OPRM1: variants seen among roughly 807,000 people sequenced by gnomAD.
OPRM1 encodes the protein mu-type opioid receptor.
A neutral mutation model predicts 31.8 loss-of-function variants in OPRM1; 27 were observed. The ratio of observed to expected loss-of-function variants is 0.85; its 90% confidence interval spans 0.63 to 1.17. The LOEUF (loss-of-function observed/expected upper bound fraction) is 1.17, where lower values mean the gene tolerates loss of function less well. OPRM1 is among the 50% of genes most tolerant of loss of function. The pLI is 0.00. For missense variants in OPRM1, 536 were observed against 511.1 expected, an observed-to-expected ratio of 1.05 and a Z score of -0.47; for synonymous variants, 196 against 189.9, an observed-to-expected ratio of 1.03 and a Z score of -0.26.
At chr6:154,091,577 G>A (rs1171926326) in intron 3 of OPRM1, 105 bp downstream of exon 3, 8 of 1,452,294 alleles carry the variant, frequency 5.5e-6, no homozygotes, top group Non-Finnish European at 7.2e-6. Flanking sequence ...TGAGAATGGA[G>A]GGAAGAGGGG....
In OPRM1 at chr6:154,127,279, T is replaced by C. The variant is rs1168942056; in HGVS notation, c.*8558T>C. Among the ~76,000 whole-genome samples, 2 of 152,176 alleles carry C rather than the reference T, an allele frequency of 1.3e-5. No individual in the cohort carries two copies. Among genetic ancestry groups the C allele is most frequent in the Non-Finnish European group, 1.5e-5 (1 of 68,028 alleles). On this transcript the variant is annotated 3_prime_UTR_variant, in exon 4 of 4. Coordinates refer to ENST00000330432, the MANE Select transcript of OPRM1 (RefSeq NM_000914.5). ...TTTGAAATCAGTGGCCATTATCATCTAAGGATTCCGCCAGAGACTTCCAAA... is the reference window on the plus strand; with the variant it reads ...TTTGAAATCAGTGGCCATTATCATCCAAGGATTCCGCCAGAGACTTCCAAA...
chr6:154,056,162 T>A (rs945590065), intron 1 of OPRM1, among the ~76,000 whole-genome samples: 1 of 152,008 alleles, frequency 6.6e-6, no homozygotes, highest in Non-Finnish European at 1.5e-5. Context: ...TCTTGCTCTG[T>A]CACCAGGCTG....
chr6:154,178,238 T>C (rs1047905898), intron 3 of OPRM1, among the ~76,000 whole-genome samples: 1 of 152,118 alleles, frequency 6.6e-6, no homozygotes, highest in Non-Finnish European at 1.5e-5. Context: ...TGTATACCTA[T>C]GTAACAAACC....
At chr6:154,246,117 G>A (rs1164748193) in intron 3 of OPRM1, among the ~76,000 whole-genome samples, 1 of 152,126 alleles carries the variant, frequency 6.6e-6, no homozygotes, top group Admixed American at 6.5e-5. Context: ...AAGGTCGGGG[G>A]AAAGAAGGGG....
intron 3 of OPRM1, among the ~76,000 whole-genome samples, chr6:154,246,324 A>C (rs983487567): frequency 6.6e-6 from 1 of 152,198 alleles, no homozygotes. Flanking sequence ...AACAGAACTT[A>C]AAAGTCTCCT....
In OPRM1 at chr6:154,090,939, T is replaced by A. The variant is rs1208673199; in HGVS notation, c.644-13T>A. On this transcript the variant is annotated splice_polypyrimidine_tract_variant and intron_variant, in intron 2 of 3. Transcript: ENST00000330432. ...GTTGCTGCTAATTTTTCCTTTAAATTCCTTTCTTCTAGGTTCCATAGATTG... is the reference window on the plus strand; with the variant it reads ...GTTGCTGCTAATTTTTCCTTTAAATACCTTTCTTCTAGGTTCCATAGATTG... 6.3e-7 allele frequency: 1 copy of A among 1,596,746 alleles called. No individual in the cohort carries two copies. Among genetic ancestry groups the A allele is most frequent in the Non-Finnish European group, 8.5e-7 (1 of 1,172,002 alleles).
At position 154,152,310 on chromosome 6, in the gene OPRM1, A is replaced by AG. The variant is rs1491197872; in HGVS notation, c.1164+60839dup. On this transcript the variant is annotated intron_variant, in intron 3 of 3. Transcript: ENST00000337049. Reference sequence around the variant, plus strand: ...AAAGGAAGAGAGAAGAAAGAAAGAAAGAAAGAAAGAAAGAAAGAAAGAAAG... The same window carrying AG: ...AAAGGAAGAGAGAAGAAAGAAAGAAAGGAAAGAAAGAAAGAAAGAAAGAAAG... Among the ~76,000 whole-genome samples, 256 of 82,266 alleles carry AG rather than the reference A, an allele frequency of 3.1e-3. 6 individuals are homozygous for AG. Among genetic ancestry groups the AG allele is most frequent in the African/African-American group, 0.012 (234 of 19,318 alleles). 54.0% of individuals were successfully genotyped at this position (82,266 alleles called of 152,430 possible).
intron 3 of OPRM1, among the ~76,000 whole-genome samples, chr6:154,202,144 T>A (rs1466471709): frequency 1.3e-5 from 2 of 152,164 alleles, no homozygotes; most frequent in African/African-American, 2.4e-5. Flanking sequence ...ACACGGATTG[T>A]CAGATAATCA....
intron 1 of OPRM1, among the ~76,000 whole-genome samples, chr6:154,079,277 G>A (rs1279697269): frequency 1.3e-5 from 2 of 152,228 alleles, no homozygotes; most frequent in Non-Finnish European, 2.9e-5. Context: ...GTGGCACTAG[G>A]CAAAGAGAAA....
intron 3 of OPRM1, among the ~76,000 whole-genome samples, chr6:154,110,193 T>G (rs555039340): frequency 4.6e-5 from 7 of 152,194 alleles, no homozygotes; most frequent in Non-Finnish European, 1.0e-4. Context: ...CCTTTTGTTT[T>G]ATTTGGGTTT....
chr6:154,136,002 T>C (rs577271522), downstream of OPRM1, among the ~76,000 whole-genome samples: 11 of 152,342 alleles, frequency 7.2e-5, no homozygotes, highest in South Asian at 1.9e-3. Context: ...ATTTTTATCA[T>C]TTTGACTTAC....
Position 154,121,740 on chromosome 6 carries a change from T to TGTATGTATCTTACA in OPRM1, c.*3020_*3021insTATGTATCTTACAG, listed in dbSNP as rs1350688803. Reference sequence around the variant, plus strand: ...AAGTTGAAATTCAGAAACATAGATATGAAATGTAAGATACAAAGAAAACAC... The same window carrying TGTATGTATCTTACA: ...AAGTTGAAATTCAGAAACATAGATATGTATGTATCTTACAGAAATGTAAGATACAAAGAAAACAC... On this transcript the variant is annotated 3_prime_UTR_variant, in exon 4 of 4. Transcript: ENST00000330432. Among the ~76,000 whole-genome samples, 3 of 152,134 alleles carry TGTATGTATCTTACA rather than the reference T, an allele frequency of 2.0e-5. No individual in the cohort carries two copies. The highest frequency in any genetic ancestry group is 2.9e-5 in the Non-Finnish European group (2 of 68,012).
intron 1 of OPRM1, among the ~76,000 whole-genome samples, chr6:154,072,110 A>C (rs1269410485): frequency 6.6e-6 from 1 of 152,214 alleles, no homozygotes; most frequent in Non-Finnish European, 1.5e-5. Flanking sequence ...AGAGGGATAA[A>C]AATGAGAATC....
chr6:154,238,959 G>A (rs1028477544), intron 3 of OPRM1, among the ~76,000 whole-genome samples: 1 of 151,394 alleles, frequency 6.6e-6, no homozygotes, highest in Non-Finnish European at 1.5e-5. Flanking sequence ...TGGAAACACC[G>A]ACAAAAGTAC....
At position 154,119,358 on chromosome 6, in the gene OPRM1, CAT is replaced by C. The variant is rs1366657747; in HGVS notation, c.*638_*639del. The C allele has an allele frequency of 1.5e-5, 15 of 983,802 alleles. No homozygotes were observed. Among genetic ancestry groups the C allele is most frequent in the Non-Finnish European group, 1.8e-5 (15 of 828,572 alleles). The allele number at this position is 983,802 out of a possible 1,614,324, so 60.9% of individuals were successfully genotyped here. A position where few individuals can be genotyped will look rare whatever the true frequency, so the allele number is the denominator to read the frequency against. On this transcript the variant is annotated 3_prime_UTR_variant, in exon 4 of 4. Coordinates refer to ENST00000330432, the MANE Select transcript of OPRM1 (RefSeq NM_000914.5). ...CATGAAAGGTAATCTGAAACACAGT[CAT>C]GTGTCAGCTGTAGAAAGGTTGATTC... is the stretch of plus-strand genomic sequence containing the variant.
chr6:154,105,760 T>C (rs757965702), intron 3 of OPRM1, among the ~76,000 whole-genome samples: 5 of 152,220 alleles, frequency 3.3e-5, no homozygotes, highest in African/African-American at 4.8e-5. Flanking sequence ...TATGCAAATA[T>C]AGTCTAAAGC....
intron 3 of OPRM1, chr6:154,107,761 A>C: frequency 1.4e-6 from 1 of 718,404 alleles, no homozygotes; most frequent in Non-Finnish European, 2.6e-6. Context: ...CCTCCAGCCA[A>C]GTTTGTTGCT....
At chr6:154,149,597 CGTGTGTGT>C (rs59431090) in intron 3 of OPRM1, among the ~76,000 whole-genome samples, 1 of 148,376 alleles carries the variant, frequency 6.7e-6, no homozygotes, top group Non-Finnish European at 1.5e-5. Context: ...CATTCTGGAT[CGTGTGTGT>C]GTGTGTGTGT....
rs1348736608 is a variant in OPRM1, at chr6:154,107,808, C to T, written c.1165-10875C>T. 2.8e-6 allele frequency: 2 copies of T among 718,152 alleles called. No individual in the cohort carries two copies. The highest frequency in any genetic ancestry group is 3.5e-5 in the African/African-American group (2 of 57,232). 44.5% of individuals were successfully genotyped at this position (718,152 alleles called of 1,614,324 possible). A position where few individuals can be genotyped will look rare whatever the true frequency, so the allele number is the denominator to read the frequency against. On this transcript the variant is annotated intron_variant, in intron 3 of 3. Coordinates refer to ENST00000330432, the MANE Select transcript of OPRM1 (RefSeq NM_000914.5). Reference sequence around the variant, plus strand: ...CGGGTCGTCTTGAAAAGGGGGCTTACAGGTGTTCCAAGCCCGTGTTTTATC... The same window carrying T: ...CGGGTCGTCTTGAAAAGGGGGCTTATAGGTGTTCCAAGCCCGTGTTTTATC...
Sources: allele counts gnomAD v4.1 joint callset (sites outside exome capture counted in the v4.1 genomes callset), GRCh38; gene constraint gnomAD v4.1.1; transcripts MANE v1.5; gene names NCBI Gene and HGNC (gene_info 2026-07-23, HGNC 2026-07-21).